Variants in CAST observed in about 807,000 individuals in gnomAD.
The protein encoded by CAST is calpastatin, also known as MIR583 host.
In CAST, 76 loss-of-function variants were observed where a neutral mutation model predicts 119.6. The observed-to-expected ratio is 0.64, with a 90% CI of 0.53 to 0.77. The LOEUF (loss-of-function observed/expected upper bound fraction) is 0.77. CAST is among the 30% of genes least tolerant of loss of function. The pLI, the probability that CAST is intolerant of heterozygous loss-of-function variation, is 0.00. For synonymous variants in CAST, 319 were observed against 331.6 expected (o/e 0.96, Z 0.41); for missense variants, 953 against 946.5 (o/e 1.01, Z -0.09).
chr5:96,476,143 T>TC, the CAST span, among the ~76,000 whole-genome samples: 1 of 152,178 alleles, frequency 6.6e-6, no homozygotes, highest in African/African-American at 2.4e-5. Context: ...GCAAATCTTT[T>TC]CCCTGCTAGC....
At chr5:96,439,881 A>G in the CAST span, among the ~76,000 whole-genome samples, 1 of 152,174 alleles carries the variant, frequency 6.6e-6, no homozygotes, top group Non-Finnish European at 1.5e-5. Flanking sequence ...AATTGTCCCT[A>G]ATTATGGTTA....
At chr5:96,353,425 T>C in the CAST span, among the ~76,000 whole-genome samples, 1 of 152,228 alleles carries the variant, frequency 6.6e-6, no homozygotes, top group South Asian at 2.1e-4. Flanking sequence ...GTTAACTTTA[T>C]GTGTCAACTT....
chr5:96,121,119 A>G, the CAST span, among the ~76,000 whole-genome samples: 1 of 152,074 alleles, frequency 6.6e-6, no homozygotes, highest in African/African-American at 2.4e-5. Context: ...TTTCTTATTG[A>G]TTTTTAAAAG....
At chr5:96,424,979 T>A in the CAST span, among the ~76,000 whole-genome samples, 1,788 of 65,456 alleles carry the variant, frequency 0.027, 50 homozygotes, top group African/African-American at 0.097. Flanking sequence ...AAAAGAAAGA[T>A]AGAAAGAAAG....
chr5:96,497,992 T>C, the CAST span, among the ~76,000 whole-genome samples: 9 of 152,266 alleles, frequency 5.9e-5, no homozygotes, highest in Admixed American at 5.9e-4. Flanking sequence ...TTTATGATTT[T>C]AGGTCTAACA....
chr5:96,661,288 G>A (rs1486001334), upstream of CAST, among the ~76,000 whole-genome samples: 2 of 145,442 alleles, frequency 1.4e-5, no homozygotes, highest in African/African-American at 5.1e-5. Flanking sequence ...AAAGCTGGGT[G>A]TGACAACGCG....
chr5:96,056,682 G>C, the CAST span, among the ~76,000 whole-genome samples: 6 of 152,166 alleles, frequency 3.9e-5, no homozygotes, highest in South Asian at 2.1e-4. Context: ...CTAATGCTGA[G>C]ATGGGGAAAG....
chr5:96,561,796 G>GTTTTTGTTTTT lies in CAST; in HGVS notation c.60+31921_60+31922insGTTTTTTTTTT, dbSNP rs1746370693. On this transcript the variant is annotated intron_variant, in intron 1 of 11. Coordinates refer to the CAST transcript ENST00000505143. ...GTGTATTATATATATGTTTTTTTTT[G>GTTTTTGTTTTT]TTTTTTTTTTTTTTGAGACGGAGTC... Among the ~76,000 whole-genome samples the GTTTTTGTTTTT allele has an allele frequency of 9.1e-4, 89 of 97,398 alleles. 2 individuals carry two copies. The highest frequency in any genetic ancestry group is 3.2e-3 in the African/African-American group (84 of 26,026). 63.9% of individuals were successfully genotyped at this position (97,398 alleles called of 152,430 possible).
the CAST span, among the ~76,000 whole-genome samples, chr5:96,370,978 G>A: frequency 4.6e-5 from 7 of 152,116 alleles, no homozygotes; most frequent in South Asian, 2.1e-4. Context: ...TTCCAATTCC[G>A]GGTACCTATC....
chr5:96,733,660 C>T (rs1214207620), intron 9 of CAST, among the ~76,000 whole-genome samples: 1 of 152,112 alleles, frequency 6.6e-6, no homozygotes, highest in African/African-American at 2.4e-5. Flanking sequence ...GGCAGATCAC[C>T]TGAGGTCAGG....
At chr5:96,464,677 A>G in the CAST span, among the ~76,000 whole-genome samples, 1 of 152,086 alleles carries the variant, frequency 6.6e-6, no homozygotes, top group African/African-American at 2.4e-5. Context: ...TTCAAATGGC[A>G]CTTTTATTGT....
the CAST span, among the ~76,000 whole-genome samples, chr5:96,449,877 T>G: frequency 6.6e-6 from 1 of 152,208 alleles, no homozygotes; most frequent in Non-Finnish European, 1.5e-5. Flanking sequence ...TTAAGATGGA[T>G]TCAATATTCT....
At chr5:96,045,092 C>A in the CAST span, among the ~76,000 whole-genome samples, 2 of 151,990 alleles carry the variant, frequency 1.3e-5, no homozygotes, top group Non-Finnish European at 2.9e-5. Context: ...GTGGCTCATG[C>A]CTGTAATCCC....
the CAST span, among the ~76,000 whole-genome samples, chr5:96,461,385 G>T: frequency 3.3e-5 from 5 of 152,044 alleles, no homozygotes; most frequent in African/African-American, 1.2e-4. Flanking sequence ...CGGTAGAATT[G>T]TCGGATCATA....
At chr5:96,558,749 T>C (rs979672058) in intron 1 of CAST, among the ~76,000 whole-genome samples, 4 of 152,148 alleles carry the variant, frequency 2.6e-5, no homozygotes, top group African/African-American at 9.7e-5. Flanking sequence ...CAGGACCAGA[T>C]GGATTCACAG....
rs1231622473 is a variant in CAST at position 96,552,813 on chromosome 5, A to T, written c.60+22933A>T. On this transcript the variant is annotated intron_variant, in intron 1 of 11. Coordinates refer to the CAST transcript ENST00000505143. ...GCAAATAAACTAGAAAATCTAAAAG[A>T]AATTGATAAATTCCTGGACACATAC... Among the ~76,000 whole-genome samples, 3 of 152,226 alleles carry T rather than the reference A, an allele frequency of 2.0e-5. No individual in the cohort carries two copies. The South Asian group carries it at 6.2e-4, about 31-fold the overall frequency.
the CAST span, among the ~76,000 whole-genome samples, chr5:96,147,757 C>T: frequency 5.9e-5 from 9 of 152,236 alleles, no homozygotes; most frequent in Non-Finnish European, 1.2e-4. Context: ...TTGCCAACCA[C>T]ACAATTCTTT....
chr5:96,731,451 T>G (rs1462479391), intron 9 of CAST, among the ~76,000 whole-genome samples: 1 of 151,508 alleles, frequency 6.6e-6, no homozygotes, highest in African/African-American at 2.4e-5. Context: ...ATAGAATTTT[T>G]TTTTTTACCT....
At chr5:96,056,530 T>G in the CAST span, among the ~76,000 whole-genome samples, 1 of 152,162 alleles carries the variant, frequency 6.6e-6, no homozygotes, top group African/African-American at 2.4e-5. Context: ...AGAAAGAGTT[T>G]GAATCGGCAT....
Sources: allele counts gnomAD v4.1 joint callset (sites outside exome capture counted in the v4.1 genomes callset), GRCh38; gene constraint gnomAD v4.1.1; transcripts MANE v1.5; gene names NCBI Gene and HGNC (gene_info 2026-07-23, HGNC 2026-07-21).